Variants in DLGAP1 observed in about 807,000 individuals in gnomAD.
DLGAP1 encodes disks large-associated protein 1.
A neutral mutation model predicts 90.8 loss-of-function variants in DLGAP1; 11 were observed. That is an observed-to-expected ratio of 0.12 (90% CI 0.08 to 0.20). The LOEUF is 0.20. Ranked by LOEUF, DLGAP1 falls within the 10% of genes least tolerant of loss-of-function variation. DLGAP1 has a pLI of 1.00. For missense variants in DLGAP1, 1,050 were observed against 1,333.8 expected (o/e 0.79, Z 3.31); for synonymous variants, 558 against 540.7 (o/e 1.03, Z -0.44).
intron 1 of DLGAP1, among the ~76,000 whole-genome samples, chr18:4,409,737 G>A (rs1340896716): frequency 4.6e-5 from 7 of 151,972 alleles, no homozygotes; most frequent in Non-Finnish European, 2.9e-5. Context: ...CTCTATTCAT[G>A]TTCTTAGCCC....
chr18:3,934,835 C>T (rs1379273376), intron 3 of DLGAP1, among the ~76,000 whole-genome samples: 1 of 152,214 alleles, frequency 6.6e-6, no homozygotes, highest in Non-Finnish European at 1.5e-5. Context: ...AGTGACTACA[C>T]AAGTCTGGCT....
chr18:4,127,793 T>A (rs1193815867), intron 2 of DLGAP1, among the ~76,000 whole-genome samples: 1 of 152,198 alleles, frequency 6.6e-6, no homozygotes. Flanking sequence ...GTCCCAGGTA[T>A]GCCACAAACT....
At chr18:3,835,665 GA>G (rs949329414) in intron 4 of DLGAP1, among the ~76,000 whole-genome samples, 3 of 139,290 alleles carry the variant, frequency 2.2e-5, no homozygotes, top group African/African-American at 8.1e-5. Flanking sequence ...AAAAAAAAAA[GA>G]AAATATCCTC....
chr18:3,638,679 G>A (rs1178567403), intron 7 of DLGAP1, among the ~76,000 whole-genome samples: 1 of 152,136 alleles, frequency 6.6e-6, no homozygotes, highest in Non-Finnish European at 1.5e-5. Flanking sequence ...TGACTATTCT[G>A]TTAATCTTAC....
chr18:3,795,000 C>T (rs1211418628), intron 5 of DLGAP1, among the ~76,000 whole-genome samples: 1 of 152,224 alleles, frequency 6.6e-6, no homozygotes, highest in Admixed American at 6.5e-5. Flanking sequence ...CTTAGAGATG[C>T]AAACGATCCA....
intron 1 of DLGAP1, among the ~76,000 whole-genome samples, chr18:4,318,247 C>T (rs545254570): frequency 6.6e-6 from 1 of 152,296 alleles, no homozygotes; most frequent in African/African-American, 2.4e-5. Flanking sequence ...TTTCCAGCAT[C>T]ACTAAAACAT....
intron 4 of DLGAP1, chr18:3,822,127 C>T (rs549536724): frequency 5.0e-5 from 22 of 435,968 alleles, no homozygotes; most frequent in African/African-American, 3.4e-4. Context: ...ATTTCCCTGG[C>T]AACCGCCCTT....
chr18:3,730,040 T>C (rs1211836007), intron 6 of DLGAP1, among the ~76,000 whole-genome samples: 1 of 152,358 alleles, frequency 6.6e-6, no homozygotes, highest in East Asian at 1.9e-4. Context: ...GTCAAAATCT[T>C]GAAAAGCACC....
intron 7 of DLGAP1, among the ~76,000 whole-genome samples, chr18:3,610,486 A>T (rs545547587): frequency 5.3e-4 from 80 of 152,094 alleles, no homozygotes; most frequent in African/African-American, 1.8e-3. Flanking sequence ...CCCTGCCATA[A>T]CCTATTTTGC....
intron 3 of DLGAP1, among the ~76,000 whole-genome samples, chr18:3,897,976 A>G (rs965449668): frequency 2.0e-5 from 3 of 150,868 alleles, no homozygotes; most frequent in Non-Finnish European, 4.4e-5. Context: ...TTGTATTTTT[A>G]GTAGAGACGG....
chr18:4,279,961 T>C (rs932017192), intron 1 of DLGAP1, among the ~76,000 whole-genome samples: 1 of 152,204 alleles, frequency 6.6e-6, no homozygotes, highest in Non-Finnish European at 1.5e-5. Flanking sequence ...TAAATCATAG[T>C]GTACCCAATT....
intron 8 of DLGAP1, among the ~76,000 whole-genome samples, chr18:3,571,771 C>T (rs1454666542): frequency 6.6e-6 from 1 of 152,170 alleles, no homozygotes; most frequent in African/African-American, 2.4e-5. Flanking sequence ...CGTGATCCGC[C>T]CGCCTCGGCC....
chr18:4,229,003 T>A (rs557577892), intron 1 of DLGAP1, among the ~76,000 whole-genome samples: 1 of 152,052 alleles, frequency 6.6e-6, no homozygotes, highest in African/African-American at 2.4e-5. Context: ...GGATACAAAA[T>A]CAACATAAAG....
intron 1 of DLGAP1, among the ~76,000 whole-genome samples, chr18:4,237,914 A>C (rs1209214814): frequency 6.6e-6 from 1 of 152,224 alleles, no homozygotes; most frequent in Non-Finnish European, 1.5e-5. Context: ...ATACATGCCA[A>C]GTGAAACATT....
Position 3,596,778 on chromosome 18 carries a change from G to A in DLGAP1, c.1592-14530C>T, listed in dbSNP as rs770188251. ...TAACAATCAGGAAGGGGAGGTGATCGGGGCAGGAGTAAAGTGGACACCTCA... is the reference window on the plus strand; with the variant it reads ...TAACAATCAGGAAGGGGAGGTGATCAGGGCAGGAGTAAAGTGGACACCTCA... On this transcript the variant is annotated intron_variant, in intron 7 of 12. Transcript: ENST00000315677. 28 of 507,418 alleles carry A rather than the reference G, an allele frequency of 5.5e-5. No homozygotes were observed. The Middle Eastern group carries it at 1.4e-3, about 25-fold the overall frequency. The allele number at this position is 507,418 out of a possible 1,614,324, so 31.4% of individuals were successfully genotyped here.
At chr18:3,617,846 G>C (rs903857759) in intron 7 of DLGAP1, among the ~76,000 whole-genome samples, 2 of 150,868 alleles carry the variant, frequency 1.3e-5, no homozygotes, top group Non-Finnish European at 3.0e-5. Flanking sequence ...ACCAGCCTGG[G>C]CAACATGGTG....
intron 3 of DLGAP1, among the ~76,000 whole-genome samples, chr18:3,885,182 T>C (rs2071276148): frequency 6.6e-6 from 1 of 152,190 alleles, no homozygotes; most frequent in African/African-American, 2.4e-5. Context: ...TGCCTTACTC[T>C]TAAACTCCCT....
chr18:3,778,169 G>A (rs563177862), intron 5 of DLGAP1, among the ~76,000 whole-genome samples: 70 of 152,254 alleles, frequency 4.6e-4, no homozygotes, highest in African/African-American at 1.6e-3. Flanking sequence ...GGCTGGGCAC[G>A]ATGGCTCATG....
rs4277430 is a variant in DLGAP1, at chr18:3,513,038, T to G, written c.2480-4377A>C. On this transcript the variant is annotated intron_variant, in intron 10 of 12. Transcript: ENST00000315677. ...ATTCCCCTTTCCCTTTCCCTCTCCC[T>G]CTACATCATGGCACCCACCGTTCCA... Among the ~76,000 whole-genome samples the G allele has an allele frequency of 3.1e-4, 47 of 152,084 alleles. 1 individual carries two copies. The East Asian group carries it at 8.3e-3, about 27-fold the overall frequency.
Sources: allele counts gnomAD v4.1 joint callset (sites outside exome capture counted in the v4.1 genomes callset), GRCh38; gene constraint gnomAD v4.1.1; transcripts MANE v1.5; gene names NCBI Gene and HGNC (gene_info 2026-07-23, HGNC 2026-07-21).